Variants in KCNMA1 observed in about 807,000 individuals in gnomAD.
The protein encoded by KCNMA1 is Calcium-activated potassium channel subunit alpha-1.
A neutral mutation model predicts 140.0 loss-of-function variants in KCNMA1; 29 were observed. The observed-to-expected ratio is 0.21, with a 90% CI of 0.15 to 0.28. KCNMA1 has a LOEUF of 0.28. Ranked by LOEUF, KCNMA1 falls within the 10% of genes least tolerant of loss-of-function variation. The pLI is 1.00. For synonymous variants in KCNMA1, 612 were observed against 611.9 expected (o/e 1.00, Z 0.00); for missense variants, 880 against 1,602.2 (o/e 0.55, Z 7.70).
intron 27 of KCNMA1, among the ~76,000 whole-genome samples, chr10:76,888,970 A>G (rs1375462940): frequency 6.6e-6 from 1 of 152,188 alleles, no homozygotes; most frequent in Non-Finnish European, 1.5e-5. Flanking sequence ...AAGGCAAGAG[A>G]ATCACTGGAA....
chr10:77,243,996 C>G (rs887344428), intron 3 of KCNMA1, among the ~76,000 whole-genome samples: 1 of 152,194 alleles, frequency 6.6e-6, no homozygotes, highest in Non-Finnish European at 1.5e-5. Context: ...TGTTCTTTCC[C>G]ATGGCCCTAA....
At chr10:77,387,987 C>G (rs1407198005) in intron 2 of KCNMA1, among the ~76,000 whole-genome samples, 1 of 152,144 alleles carries the variant, frequency 6.6e-6, no homozygotes, top group Admixed American at 6.5e-5. Context: ...GCCAAATATT[C>G]TCTGTAGCTG....
chr10:77,272,513 T>C (rs1444480256), intron 2 of KCNMA1, among the ~76,000 whole-genome samples: 1 of 152,176 alleles, frequency 6.6e-6, no homozygotes, highest in Non-Finnish European at 1.5e-5. Flanking sequence ...GAGGTCCTCT[T>C]GCATCCTCAA....
At chr10:76,913,829 G>A in intron 24 of KCNMA1, 1 of 501,400 alleles carries the variant, frequency 2.0e-6, no homozygotes, top group Non-Finnish European at 3.5e-6. Context: ...CAGGTCAGAT[G>A]GGTGTGATCA....
intron 1 of KCNMA1, among the ~76,000 whole-genome samples, chr10:77,495,342 G>A (rs1016169982): frequency 5.3e-5 from 8 of 152,120 alleles, no homozygotes; most frequent in African/African-American, 1.7e-4. Flanking sequence ...GCCCTGACTT[G>A]GCCTGTCTCC....
chr10:77,445,402 A>AG (rs143866926), intron 1 of KCNMA1, among the ~76,000 whole-genome samples: 9,469 of 151,972 alleles, frequency 0.062, 991 homozygotes, highest in African/African-American at 0.21. Flanking sequence ...ACACATATGA[A>AG]AAATAAAAAA....
intron 23 of KCNMA1, among the ~76,000 whole-genome samples, chr10:76,923,746 G>C (rs1564935144): frequency 6.6e-6 from 1 of 152,158 alleles, no homozygotes; most frequent in Admixed American, 6.5e-5. Context: ...TACTTTGGAG[G>C]CCAATGTGAG....
intron 1 of KCNMA1, among the ~76,000 whole-genome samples, chr10:77,504,021 C>T (rs1056125119): frequency 1.3e-5 from 2 of 152,124 alleles, no homozygotes; most frequent in African/African-American, 4.8e-5. Context: ...GCGCAGGTGG[C>T]TGGGATATGG....
chr10:77,244,292 T>C (rs2154240150), intron 3 of KCNMA1, among the ~76,000 whole-genome samples: 1 of 152,310 alleles, frequency 6.6e-6, no homozygotes, highest in African/African-American at 2.4e-5. Flanking sequence ...CCAATGCCTC[T>C]TTGACTCTAA....
intron 2 of KCNMA1, among the ~76,000 whole-genome samples, chr10:77,311,998 T>C (rs540280782): frequency 6.6e-6 from 1 of 152,326 alleles, no homozygotes; most frequent in South Asian, 2.1e-4. Context: ...GCCTCCCACC[T>C]CACTGATGTT....
rs543722098 is a variant in KCNMA1, at chr10:77,248,138, C to T, written c.602+3057G>A. ...AAAGATCATAAACCACCAATGATGA[C>T]CTTTCTCTGAGCTGTATTGCTAATG... On this transcript the variant is annotated intron_variant, in intron 3 of 27. Coordinates refer to ENST00000286628, the MANE Select transcript of KCNMA1 (RefSeq NM_001161352.2). 1.4e-4 allele frequency among the ~76,000 whole-genome samples: 21 copies of T among 152,288 alleles called. No homozygotes were observed. In the South Asian group the frequency reaches 3.9e-3, roughly 29 times the overall value.
chr10:77,533,515 C>A (rs935554975), intron 1 of KCNMA1, among the ~76,000 whole-genome samples: 1 of 152,092 alleles, frequency 6.6e-6, no homozygotes, highest in Non-Finnish European at 1.5e-5. Flanking sequence ...GAAGTAAAAG[C>A]CCTAAGGATC....
At chr10:76,880,212 T>C (rs1039547435), downstream of KCNMA1, among the ~76,000 whole-genome samples, 1 of 152,236 alleles carries the variant, frequency 6.6e-6, no homozygotes, top group African/African-American at 2.4e-5. Context: ...TTTTGACCTT[T>C]CGCGGCAGAG....
At chr10:77,539,993 T>G (rs1050973696) in intron 1 of KCNMA1, among the ~76,000 whole-genome samples, 5 of 152,216 alleles carry the variant, frequency 3.3e-5, no homozygotes, top group Non-Finnish European at 7.3e-5. Flanking sequence ...GAAATCAATA[T>G]GTTGTGCAAA....
intron 18 of KCNMA1, among the ~76,000 whole-genome samples, chr10:77,008,868 T>C (rs1267884498): frequency 6.6e-6 from 1 of 152,268 alleles, no homozygotes; most frequent in African/African-American, 2.4e-5. Context: ...CCCCAGTGTG[T>C]TACTAATAAT....
At chr10:77,510,140 A>G (rs1450048274) in intron 1 of KCNMA1, among the ~76,000 whole-genome samples, 2 of 152,114 alleles carry the variant, frequency 1.3e-5, no homozygotes, top group African/African-American at 4.8e-5. Flanking sequence ...CTGGGGTACA[A>G]TCGCAGCTCC....
chr10:77,286,116 T>C (rs1407290272), intron 2 of KCNMA1, among the ~76,000 whole-genome samples: 1 of 152,194 alleles, frequency 6.6e-6, no homozygotes, highest in East Asian at 1.9e-4. Context: ...ATTAATTGTG[T>C]AATTTTTTTT....
At chr10:76,925,856 A>T (rs2152569698) in intron 23 of KCNMA1, among the ~76,000 whole-genome samples, 1 of 152,342 alleles carries the variant, frequency 6.6e-6, no homozygotes, top group East Asian at 1.9e-4. Context: ...TAGCTGTAAA[A>T]GATGGGTTTG....
intron 25 of KCNMA1, among the ~76,000 whole-genome samples, chr10:76,907,962 AG>A (rs1355050732): frequency 1.3e-5 from 2 of 152,196 alleles, no homozygotes; most frequent in Admixed American, 6.5e-5. Flanking sequence ...TCTGATATGT[AG>A]AAACATAAAC....
Sources: gnomAD v4.1 joint callset for allele counts (sites outside exome capture counted in the v4.1 genomes callset) on GRCh38, gnomAD v4.1.1 for gene constraint, MANE v1.5 for transcripts, NCBI Gene and HGNC (gene_info 2026-07-23, HGNC 2026-07-21) for gene names.